Variants in CTXN2 observed in about 807,000 individuals in gnomAD.
CTXN2 encodes cortexin-2.
CTXN2 carries 3 observed loss-of-function variants against 5.7 expected under a neutral mutation model. That is an observed-to-expected ratio of 0.53 (90% CI 0.24 to 1.36). The LOEUF (loss-of-function observed/expected upper bound fraction) is 1.36, where lower values mean the gene tolerates loss of function less well. CTXN2 is among the 40% of genes most tolerant of loss of function. The pLI is 0.17. For missense variants in CTXN2, 87 were observed against 93.0 expected (o/e 0.94, Z 0.26); for synonymous variants, 38 against 36.4 (o/e 1.04, Z -0.16).
At chr15:48,181,392 A>G (rs1406656421) in intron 1 of CTXN2, among the ~76,000 whole-genome samples, 1 of 152,246 alleles carries the variant, frequency 6.6e-6, no homozygotes, top group East Asian at 1.9e-4. Flanking sequence ...TCCAGAAAAA[A>G]AGGGACCTAT....
At chr15:48,195,579 T>G (rs1458739028) in intron 1 of CTXN2, among the ~76,000 whole-genome samples, 2 of 152,188 alleles carry the variant, frequency 1.3e-5, no homozygotes, top group Non-Finnish European at 2.9e-5. Context: ...AGTATTTTTC[T>G]GCCTTCATAT....
intron 1 of CTXN2, among the ~76,000 whole-genome samples, chr15:48,199,736 T>G (rs919398622): frequency 6.6e-6 from 1 of 152,156 alleles, no homozygotes; most frequent in Admixed American, 6.5e-5. Flanking sequence ...GAACTCAATC[T>G]TCAGGAAGAT....
upstream of CTXN2, among the ~76,000 whole-genome samples, chr15:48,188,011 C>T (rs1320050): frequency 0.14 from 21,354 of 151,886 alleles, 4,161 homozygotes; most frequent in African/African-American, 0.42. Context: ...GATACATTTT[C>T]TGTATTTTAG....
rs75073016 is a variant in CTXN2 at position 48,201,400 on chromosome 15, G to A, written c.100G>A (p.Val34Ile). ...GGAGCAAAAAACTGGCTTTGCTTTT[G>A]TTGGGATTTTGTGTATCTTCTTGGG... ...TLEQKTGFAF[V>I]GILCIFLGLL... Residue 34 changes from valine to isoleucine, a missense_variant, in exon 2 of 2, where the codon GTT becomes ATT. Transcript: ENST00000417307. 3.1e-5 allele frequency: 48 copies of A among 1,551,396 alleles called. No individual in the cohort carries two copies. The East Asian group carries it at 8.6e-4, about 28-fold the overall frequency.
intron 1 of CTXN2, among the ~76,000 whole-genome samples, chr15:48,194,234 G>T (rs1444516265): frequency 4.0e-5 from 6 of 151,058 alleles, no homozygotes; most frequent in African/African-American, 4.9e-5. Context: ...TGTTAAAAAT[G>T]GAAATTTTAC....
In CTXN2 at chr15:48,202,931, G is replaced by T; in HGVS notation, c.*1385G>T. ...TTATGTCCTTTGAAAACACAGAACT[G>T]CAAAACATACCATGAAGGAACAAGA... On this transcript the variant is annotated 3_prime_UTR_variant, in exon 2 of 2. Coordinates refer to ENST00000417307, the MANE Select transcript of CTXN2 (RefSeq NM_001145668.2). The T allele has an allele frequency of 6.0e-6, 1 of 165,714 alleles. No individual in the cohort carries two copies. 10.3% of individuals were successfully genotyped at this position (165,714 alleles called of 1,614,324 possible). A position where few individuals can be genotyped will look rare whatever the true frequency, so the allele number is the denominator to read the frequency against.
upstream of CTXN2, among the ~76,000 whole-genome samples, chr15:48,187,348 A>G (rs1349351480): frequency 6.6e-6 from 1 of 152,228 alleles, no homozygotes; most frequent in Non-Finnish European, 1.5e-5. Context: ...TAGTTATACC[A>G]AAACTAATTT....
At position 48,202,206 on chromosome 15, in the gene CTXN2, C is replaced by G. The variant is rs894725312; in HGVS notation, c.*660C>G. On this transcript the variant is annotated 3_prime_UTR_variant, in exon 2 of 2. Coordinates refer to ENST00000417307, the MANE Select transcript of CTXN2 (RefSeq NM_001145668.2). ...CCTCATACTGATGCTCCCTCCCCTACCCCTTGCATAAATAGAATTTAAAAG... is the reference window on the plus strand; with the variant it reads ...CCTCATACTGATGCTCCCTCCCCTAGCCCTTGCATAAATAGAATTTAAAAG... 6.0e-6 allele frequency: 1 copy of G among 167,164 alleles called. No individual in the cohort carries two copies. Among genetic ancestry groups the G allele is most frequent in the Non-Finnish European group, 1.5e-5 (1 of 68,308 alleles). The allele number at this position is 167,164 out of a possible 1,614,324, so 10.4% of individuals were successfully genotyped here.
chr15:48,203,391 G>A lies in CTXN2; in HGVS notation c.*1845G>A, dbSNP rs1203040368. The A allele has an allele frequency of 1.2e-5, 2 of 167,034 alleles. No individual in the cohort carries two copies. Among genetic ancestry groups the A allele is most frequent in the East Asian group, 3.9e-4 (2 of 5,192 alleles). The allele number at this position is 167,034 out of a possible 1,614,324, so 10.3% of individuals were successfully genotyped here. On this transcript the variant is annotated 3_prime_UTR_variant, in exon 2 of 2. Coordinates refer to ENST00000417307, the MANE Select transcript of CTXN2 (RefSeq NM_001145668.2). The stretch of plus-strand genomic sequence containing the variant: ...TACCCCAGTTGGTTCAAGAGTGTAG[G>A]CCTGGTACACCTCATAGCCAGTTAG...
At chr15:48,183,257 GA>G (rs2040716058) in intron 1 of CTXN2, among the ~76,000 whole-genome samples, 1 of 152,102 alleles carries the variant, frequency 6.6e-6, no homozygotes, top group African/African-American at 2.4e-5. Flanking sequence ...ATCGTGCTTT[GA>G]AAAATAAAAT....
At chr15:48,178,474 C>T (rs578039445) in intron 1 of CTXN2, 204 of 447,850 alleles carry the variant, frequency 4.6e-4, no homozygotes, top group African/African-American at 3.8e-3. Context: ...GCCGCTGTTG[C>T]TGCAGTCGGC....
upstream of CTXN2, chr15:48,191,633 C>G (rs1396832077): frequency 2.3e-6 from 1 of 443,222 alleles, no homozygotes; most frequent in Non-Finnish European, 4.6e-6. Flanking sequence ...CGCGCGCGCG[C>G]ACACGTACTT....
In CTXN2 at chr15:48,203,349, C is replaced by T. The variant is rs921400784; in HGVS notation, c.*1803C>T. On this transcript the variant is annotated 3_prime_UTR_variant, in exon 2 of 2. Transcript: ENST00000417307. The stretch of plus-strand genomic sequence containing the variant: ...TGGATCTTCTGGACCAAATCCTCAC[C>T]TCAAGGAGGCTCTCTGTACCCCAGT... The T allele has an allele frequency of 6.6e-5, 11 of 166,988 alleles. No homozygotes were observed. The highest frequency in any genetic ancestry group is 2.7e-4 in the African/African-American group (11 of 41,408). 10.3% of individuals were successfully genotyped at this position (166,988 alleles called of 1,614,324 possible). A position where few individuals can be genotyped will look rare whatever the true frequency, so the allele number is the denominator to read the frequency against.
At chr15:48,195,358 C>G (rs1330671720) in intron 1 of CTXN2, among the ~76,000 whole-genome samples, 1 of 152,046 alleles carries the variant, frequency 6.6e-6, no homozygotes, top group Non-Finnish European at 1.5e-5. Context: ...CTCACCTGAA[C>G]CATTTCTTTC....
chr15:48,183,878 AT>A (rs2040723612), intron 1 of CTXN2, among the ~76,000 whole-genome samples: 1 of 152,340 alleles, frequency 6.6e-6, no homozygotes, highest in African/African-American at 2.4e-5. Context: ...TTCAAACCAG[AT>A]TTCTGCATCA....
chr15:48,192,541 C>T (rs754322390), intron 1 of CTXN2: 1 of 152,092 alleles, frequency 6.6e-6, no homozygotes, highest in African/African-American at 2.4e-5. Context: ...CTTCTTTTCT[C>T]TCTTTTACTG....
At chr15:48,179,482 A>G (rs2040671338) in intron 1 of CTXN2, among the ~76,000 whole-genome samples, 2 of 152,068 alleles carry the variant, frequency 1.3e-5, no homozygotes, top group Non-Finnish European at 2.9e-5. Flanking sequence ...TAAGAATGCT[A>G]TTGTAGTTGC....
At chr15:48,200,291 GATTA>G (rs1271824612) in intron 1 of CTXN2, among the ~76,000 whole-genome samples, 8 of 117,592 alleles carry the variant, frequency 6.8e-5, no homozygotes, top group African/African-American at 5.0e-4. Flanking sequence ...GTAATTATTT[GATTA>G]ATTAAATTTA....
chr15:48,188,225 T>TA (rs11329965), upstream of CTXN2, among the ~76,000 whole-genome samples: 1 of 151,556 alleles, frequency 6.6e-6, no homozygotes. Context: ...TTAAGGTGAT[T>TA]AAAAAAAAAG....
Sources: allele counts gnomAD v4.1 joint callset (sites outside exome capture counted in the v4.1 genomes callset), GRCh38; gene constraint gnomAD v4.1.1; transcripts MANE v1.5; gene names NCBI Gene and HGNC (gene_info 2026-07-23, HGNC 2026-07-21).